TBC1D19: variants seen among roughly 807,000 people sequenced by gnomAD.
The protein encoded by TBC1D19 is TBC1 domain family member 19.
TBC1D19 carries 60 observed loss-of-function variants against 89.0 expected under a neutral mutation model. The observed-to-expected ratio is 0.67, with a 90% CI of 0.55 to 0.84. The LOEUF (loss-of-function observed/expected upper bound fraction) is 0.84, where lower values mean the gene tolerates loss of function less well. Ranked by LOEUF, TBC1D19 falls within the 40% of genes least tolerant of loss-of-function variation. The pLI, the probability that TBC1D19 is intolerant of heterozygous loss-of-function variation, is 0.00. For missense variants in TBC1D19, 500 were observed against 610.8 expected (o/e 0.82, Z 1.91); for synonymous variants, 189 against 199.7 (o/e 0.95, Z 0.45).
At position 26,626,260 on chromosome 4, in the gene TBC1D19, C is replaced by T. The variant is rs908516460; in HGVS notation, c.294+5572C>T. ...TAATTTTATTTAATCCAGTGTTGTT[C>T]AAGCTTACTGATCATGAAACCCTAT... On this transcript the variant is annotated intron_variant, in intron 4 of 20. Coordinates refer to ENST00000264866, the MANE Select transcript of TBC1D19 (RefSeq NM_018317.4). Among the ~76,000 whole-genome samples the T allele has an allele frequency of 3.3e-5, 5 of 152,096 alleles. No homozygotes were observed. The South Asian group carries it at 1.0e-3, about 32-fold the overall frequency.
intron 5 of TBC1D19, among the ~76,000 whole-genome samples, chr4:26,637,637 G>T (rs750675098): frequency 6.6e-6 from 1 of 152,122 alleles, no homozygotes; most frequent in Non-Finnish European, 1.5e-5. Flanking sequence ...CTCCCAAAGT[G>T]CTGGGATTAC....
the TBC1D19 span, among the ~76,000 whole-genome samples, chr4:26,783,961 T>C: frequency 5.9e-5 from 9 of 152,214 alleles, no homozygotes; most frequent in African/African-American, 2.2e-4. Context: ...CCTCTGGTGG[T>C]TGCCATCTCC....
chr4:26,589,376 T>A (rs1265944111), intron 1 of TBC1D19, among the ~76,000 whole-genome samples: 1 of 152,182 alleles, frequency 6.6e-6, no homozygotes, highest in Non-Finnish European at 1.5e-5. Flanking sequence ...TTTTTCTCAT[T>A]GTTTCTACTA....
At chr4:26,806,973 T>A in the TBC1D19 span, among the ~76,000 whole-genome samples, 1 of 152,120 alleles carries the variant, frequency 6.6e-6, no homozygotes, top group African/African-American at 2.4e-5. Flanking sequence ...GTCAGAAGGT[T>A]TAAGCCGCCT....
chr4:26,614,306 A>G, intron 2 of TBC1D19, 102 bp from the exon 3 acceptor site: 1 of 838,992 alleles, frequency 1.2e-6, no homozygotes, highest in East Asian at 2.8e-5. Flanking sequence ...TCTTTCACAA[A>G]TTAATATGAT....
chr4:26,690,004 G>A (rs995452371), intron 13 of TBC1D19, among the ~76,000 whole-genome samples: 9 of 152,198 alleles, frequency 5.9e-5, no homozygotes, highest in Non-Finnish European at 1.2e-4. Flanking sequence ...AAATGCAAAC[G>A]AAAAGTTTTT....
chr4:26,852,454 G>C, the TBC1D19 span, among the ~76,000 whole-genome samples: 1 of 152,252 alleles, frequency 6.6e-6, no homozygotes, highest in South Asian at 2.1e-4. Flanking sequence ...CTACTTAGGA[G>C]GCTAAGATGG....
chr4:26,726,544 T>C (rs565102765), intron 15 of TBC1D19, among the ~76,000 whole-genome samples: 23 of 152,282 alleles, frequency 1.5e-4, no homozygotes, highest in African/African-American at 4.3e-4. Context: ...ACTACTGAAA[T>C]AGAGTAACAA....
intron 7 of TBC1D19, among the ~76,000 whole-genome samples, chr4:26,648,901 TA>T (rs1340002308): frequency 6.6e-6 from 1 of 152,114 alleles, no homozygotes; most frequent in African/African-American, 2.4e-5. Context: ...GACAGTTCCT[TA>T]ATTGATCTTT....
intron 7 of TBC1D19, among the ~76,000 whole-genome samples, chr4:26,647,927 G>C (rs1410126749): frequency 6.6e-6 from 1 of 151,836 alleles, no homozygotes; most frequent in African/African-American, 2.4e-5. Context: ...CTATCATGAC[G>C]TATGTAACAT....
chr4:26,729,750 C>T (rs564119772), intron 15 of TBC1D19, among the ~76,000 whole-genome samples: 6 of 152,028 alleles, frequency 3.9e-5, no homozygotes, highest in Middle Eastern at 3.4e-3. Context: ...ATGTTTAAGG[C>T]CAGATCAAAG....
In TBC1D19 at chr4:26,748,313, A is replaced by G. The variant is rs1047389705; in HGVS notation, c.1320-98A>G. ...AGTTTTAAATGCCCAGGTGATTTCT[A>G]AGACTCTTGAATAGAATTGGTTGGG... On this transcript the variant is annotated intron_variant, in intron 18 of 20. Coordinates refer to ENST00000264866, the MANE Select transcript of TBC1D19 (RefSeq NM_018317.4). 26 of 805,520 alleles carry G rather than the reference A, an allele frequency of 3.2e-5. No individual in the cohort carries two copies. In the East Asian group the frequency reaches 6.5e-4, roughly 20 times the overall value. 49.9% of individuals were successfully genotyped at this position (805,520 alleles called of 1,614,324 possible). A position where few individuals can be genotyped will look rare whatever the true frequency, so the allele number is the denominator to read the frequency against.
the TBC1D19 span, among the ~76,000 whole-genome samples, chr4:26,790,737 A>G: frequency 6.6e-6 from 1 of 152,226 alleles, no homozygotes; most frequent in African/African-American, 2.4e-5. Context: ...GCCATTTATT[A>G]GTACTTTCCT....
the TBC1D19 span, among the ~76,000 whole-genome samples, chr4:26,785,497 T>A: frequency 6.6e-6 from 1 of 152,218 alleles, no homozygotes; most frequent in African/African-American, 2.4e-5. Flanking sequence ...ATGACAATGA[T>A]GACGATGATG....
At chr4:26,638,688 A>G (rs1743294487) in intron 5 of TBC1D19, 83 bp from the exon 6 acceptor site, 4 of 1,065,244 alleles carry the variant, frequency 3.8e-6, no homozygotes, top group Non-Finnish European at 5.6e-6. Context: ...TAGCTTTTAA[A>G]TAAGTTATTG....
chr4:26,595,629 C>T (rs1740158396), intron 1 of TBC1D19, among the ~76,000 whole-genome samples: 4 of 151,504 alleles, frequency 2.6e-5, no homozygotes, highest in African/African-American at 7.3e-5. Context: ...CATCTCTTGT[C>T]CCCCCACTCC....
intron 3 of TBC1D19, among the ~76,000 whole-genome samples, chr4:26,618,095 G>GT (rs1741811270): frequency 6.6e-6 from 1 of 152,188 alleles, no homozygotes; most frequent in African/African-American, 2.4e-5. Flanking sequence ...TGCCCTCTTA[G>GT]TTTGAAATGC....
chr4:26,696,744 G>C, intron 13 of TBC1D19, among the ~76,000 whole-genome samples: 1 of 152,148 alleles, frequency 6.6e-6, no homozygotes, highest in African/African-American at 2.4e-5. Flanking sequence ...TGAACAACCT[G>C]GTCCTGAGTG....
At chr4:26,811,484 G>A in the TBC1D19 span, among the ~76,000 whole-genome samples, 1 of 116,948 alleles carries the variant, frequency 8.6e-6, no homozygotes, top group Non-Finnish European at 1.7e-5. Context: ...GAGGTGACGA[G>A]GAGCATGGAG....
Sources: allele counts gnomAD v4.1 joint callset (sites outside exome capture counted in the v4.1 genomes callset), GRCh38; gene constraint gnomAD v4.1.1; transcripts MANE v1.5; gene names NCBI Gene and HGNC (gene_info 2026-07-23, HGNC 2026-07-21).